ATAD2B: variants seen among roughly 807,000 people sequenced by gnomAD.
ATAD2B encodes ATPase family AAA domain-containing protein 2B.
ATAD2B carries 40 observed loss-of-function variants against 167.6 expected under a neutral mutation model. The ratio of observed to expected loss-of-function variants is 0.24; its 90% CI spans 0.19 to 0.31. The LOEUF (loss-of-function observed/expected upper bound fraction) is 0.31, where lower values mean the gene tolerates loss of function less well. Among genes scored for constraint, ATAD2B ranks in the 10% least tolerant of loss-of-function variants. The pLI, the probability that ATAD2B is intolerant of heterozygous loss-of-function variation, is 1.00. For synonymous variants in ATAD2B, 579 were observed against 596.5 expected, an observed-to-expected ratio of 0.97 and a Z score of 0.43; for missense variants, 1,242 against 1,757.2, an observed-to-expected ratio of 0.71 and a Z score of 5.24.
chr2:23,883,463 T>G, intron 6 of ATAD2B: 1 of 274,462 alleles, frequency 3.6e-6, no homozygotes, highest in Non-Finnish European at 6.8e-6. Flanking sequence ...AAACATTACT[T>G]TTTGAAAAAT....
chr2:23,726,234 T>C, the ATAD2B span, among the ~76,000 whole-genome samples: 5 of 152,188 alleles, frequency 3.3e-5, no homozygotes. Context: ...CAGCTGACCC[T>C]TCCACAACAT....
chr2:23,875,472 C>CT (rs1696690005), intron 8 of ATAD2B, among the ~76,000 whole-genome samples: 1 of 151,832 alleles, frequency 6.6e-6, no homozygotes, highest in South Asian at 2.1e-4. Context: ...GCACTCCAGC[C>CT]TCCAGCCTGA....
At chr2:23,819,515 T>C (rs1235801895) in intron 17 of ATAD2B, among the ~76,000 whole-genome samples, 2 of 146,166 alleles carry the variant, frequency 1.4e-5, no homozygotes, top group African/African-American at 2.5e-5. Context: ...AAAAGTAAAG[T>C]AGCAGGAAAG....
At chr2:23,801,251 A>AT (rs1683455897) in intron 18 of ATAD2B, among the ~76,000 whole-genome samples, 1 of 152,148 alleles carries the variant, frequency 6.6e-6, no homozygotes. Context: ...GTTTAATACT[A>AT]TTATGATTTT....
intron 13 of ATAD2B, among the ~76,000 whole-genome samples, chr2:23,847,141 C>A (rs1371325989): frequency 2.3e-5 from 3 of 132,124 alleles, no homozygotes; most frequent in African/African-American, 8.7e-5. Context: ...GAGGGTGAGG[C>A]GGGCATATCA....
chr2:23,925,919 C>T (rs1468269318), intron 1 of ATAD2B, among the ~76,000 whole-genome samples: 1 of 152,182 alleles, frequency 6.6e-6, no homozygotes, highest in Non-Finnish European at 1.5e-5. Flanking sequence ...CTACTAGCAC[C>T]TTGGTGAGCT....
rs146359088 is a variant in ATAD2B, at chr2:23,889,016, G to C, written c.369-617C>G. On this transcript the variant is annotated intron_variant, in intron 2 of 27. Coordinates refer to ENST00000238789, the MANE Select transcript of ATAD2B (RefSeq NM_017552.4). Reference sequence around the variant, plus strand: ...GTCACCATACTTCTTAGTACAGTCAGAAAGTTCAAAAGTAAAAACTAAATT... The same window carrying C: ...GTCACCATACTTCTTAGTACAGTCACAAAGTTCAAAAGTAAAAACTAAATT... Among the ~76,000 whole-genome samples, 777 of 152,280 alleles carry C rather than the reference G, an allele frequency of 5.1e-3. 5 individuals carry two copies. The highest frequency in any genetic ancestry group is 0.018 in the African/African-American group (740 of 41,558).
At chr2:23,815,103 A>T (rs1171706014) in intron 17 of ATAD2B, among the ~76,000 whole-genome samples, 1 of 151,868 alleles carries the variant, frequency 6.6e-6, no homozygotes, top group Non-Finnish European at 1.5e-5. Flanking sequence ...GACAATGGGG[A>T]AGCATTAAGA....
chr2:23,771,350 G>T (rs1313878789), intron 22 of ATAD2B, among the ~76,000 whole-genome samples: 1 of 152,188 alleles, frequency 6.6e-6, no homozygotes, highest in African/African-American at 2.4e-5. Context: ...GAAGTGGTAA[G>T]AGCAGACATC....
chr2:23,747,225 A>G (rs1196720666), downstream of ATAD2B, among the ~76,000 whole-genome samples: 3 of 152,002 alleles, frequency 2.0e-5, no homozygotes, highest in Admixed American at 6.6e-5. Flanking sequence ...TTTATAAATT[A>G]TATTTACATA....
At chr2:23,885,968 A>G (rs762030909) in intron 4 of ATAD2B, 139 bp from the exon 5 acceptor site, 2 of 546,498 alleles carry the variant, frequency 3.7e-6, no homozygotes, top group Non-Finnish European at 6.4e-6. Context: ...TTTTTTAGAT[A>G]GAGTGTCCCT....
intron 13 of ATAD2B, among the ~76,000 whole-genome samples, chr2:23,842,021 C>CT (rs1236385858): frequency 1.3e-5 from 2 of 152,112 alleles, no homozygotes; most frequent in African/African-American, 4.8e-5. Context: ...GTAGATGTCT[C>CT]ACTTATAAAC....
the ATAD2B span, among the ~76,000 whole-genome samples, chr2:23,735,692 C>T: frequency 6.6e-6 from 1 of 152,184 alleles, no homozygotes. Context: ...GGAGAAACTT[C>T]AGTACGAAAA....
intron 1 of ATAD2B, among the ~76,000 whole-genome samples, chr2:23,917,889 T>A (rs891076387): frequency 6.6e-6 from 1 of 151,818 alleles, no homozygotes; most frequent in Non-Finnish European, 1.5e-5. Context: ...AGAAACCCTG[T>A]CTCTACTAAA....
rs751705801 is a variant in ATAD2B, at chr2:23,887,897, A to G, written c.507T>C (p.Cys169=). ...TTTCAAATCTGTTTTTCCTGGAACG[A>G]CAACTTTTTCTGACTTCCATGTCAC... The part of the protein sequence containing the change: ...INGDMEVRKS[C]RSRKNRFESV... The change falls in exon 4 of 28, where the codon TGT becomes TGC. Residue 169 remains cysteine, a synonymous_variant. Coordinates refer to ENST00000238789, the MANE Select transcript of ATAD2B (RefSeq NM_017552.4). 6.2e-7 allele frequency: 1 copy of G among 1,611,442 alleles called. No individual in the cohort carries two copies. Among genetic ancestry groups the G allele is most frequent in the Non-Finnish European group, 8.5e-7 (1 of 1,179,090 alleles).
chr2:23,769,712 G>GTTT (rs1266284550), intron 22 of ATAD2B, among the ~76,000 whole-genome samples: 30 of 128,020 alleles, frequency 2.3e-4, no homozygotes, highest in Non-Finnish European at 3.1e-4. Flanking sequence ...CTCACTGTGG[G>GTTT]TTTTTTTTTT....
chr2:23,683,443 C>G, the ATAD2B span, among the ~76,000 whole-genome samples: 1 of 152,132 alleles, frequency 6.6e-6, no homozygotes, highest in African/African-American at 2.4e-5. Flanking sequence ...CAACTGAAGG[C>G]CCTAACTTTT....
At chr2:23,874,897 A>T (rs1696586386) in intron 8 of ATAD2B, among the ~76,000 whole-genome samples, 1 of 151,244 alleles carries the variant, frequency 6.6e-6, no homozygotes, top group African/African-American at 2.4e-5. Flanking sequence ...TCTACTAAAA[A>T]TACAAAAAAA....
intron 1 of ATAD2B, among the ~76,000 whole-genome samples, 183 bp from the exon 2 acceptor site, chr2:23,896,153 C>CAAAAA (rs1158562523): frequency 6.0e-4 from 75 of 125,596 alleles, no homozygotes; most frequent in Non-Finnish European, 7.4e-4. Flanking sequence ...CCGCCTCTAC[C>CAAAAA]AAAAAAAAAA....
Sources: allele counts gnomAD v4.1 joint callset (sites outside exome capture counted in the v4.1 genomes callset), GRCh38; gene constraint gnomAD v4.1.1; transcripts MANE v1.5; gene names NCBI Gene and HGNC (gene_info 2026-07-23, HGNC 2026-07-21).